The following TAOK3 variants were observed in gnomAD, a reference collection of about 807,000 sequenced individuals.
TAOK3 encodes TAO kinase 3, also known as serine/threonine-protein kinase TAO3.
In TAOK3, 40 loss-of-function variants were observed where a neutral mutation model predicts 120.4. The observed-to-expected ratio is 0.33, with a 90% CI of 0.26 to 0.43. The LOEUF is 0.43. Among genes scored for constraint, TAOK3 ranks in the 20% least tolerant of loss-of-function variants. TAOK3 has a pLI of 1.00. For synonymous variants in TAOK3, 355 were observed against 387.5 expected (o/e 0.92, Z 0.99); for missense variants, 821 against 1,112.1 (o/e 0.74, Z 3.72).
At chr12:118,242,899 G>A (rs2139988744) in intron 5 of TAOK3, among the ~76,000 whole-genome samples, 1 of 150,966 alleles carries the variant, frequency 6.6e-6, no homozygotes, top group Admixed American at 6.6e-5. Context: ...ATATATATAT[G>A]AGTGTGTGTG....
intron 17 of TAOK3, among the ~76,000 whole-genome samples, chr12:118,163,563 G>T (rs575608543): frequency 6.7e-6 from 1 of 149,654 alleles, no homozygotes; most frequent in South Asian, 2.1e-4. Flanking sequence ...TTATAGGCAT[G>T]AGCCACCCCA....
intron 8 of TAOK3, among the ~76,000 whole-genome samples, chr12:118,234,225 T>TTTTTTTTTTTTTTTTTTTC: frequency 1.2e-5 from 1 of 83,230 alleles, no homozygotes; most frequent in Non-Finnish European, 2.4e-5. Flanking sequence ...TTTTTTTTTT[T>TTTTTTTTTTTTTTTTTTTC]TTTTTTTTTT....
chr12:118,277,614 C>A (rs1335686980), intron 1 of TAOK3, among the ~76,000 whole-genome samples: 1 of 152,002 alleles, frequency 6.6e-6, no homozygotes, highest in Non-Finnish European at 1.5e-5. Flanking sequence ...GCGCGCACCA[C>A]CATGCCTGGC....
chr12:118,351,230 G>A (rs1465871803), intron 1 of TAOK3, among the ~76,000 whole-genome samples: 2 of 152,094 alleles, frequency 1.3e-5, no homozygotes, highest in Admixed American at 6.6e-5. Context: ...TAGAGAAGTA[G>A]TTTGTATACT....
rs1057274468 is a variant in TAOK3 at position 118,160,793 on chromosome 12, G to T, written c.2140-435C>A. On this transcript the variant is annotated intron_variant, in intron 18 of 20. Transcript: ENST00000392533. This position sits in a 1 kb window ranked among gnomAD's most constrained non-coding sequence, Gnocchi z 4.2. Reference sequence around the variant, plus strand: ...CTGTTTTCAAGTGAGACAGGGGATAGCATTATATAAGCCAGCTCTCACTGC... The same window carrying T: ...CTGTTTTCAAGTGAGACAGGGGATATCATTATATAAGCCAGCTCTCACTGC... Among the ~76,000 whole-genome samples, 9 of 152,086 alleles carry T rather than the reference G, an allele frequency of 5.9e-5. No individual in the cohort carries two copies. The highest frequency in any genetic ancestry group is 1.9e-4 in the African/African-American group (8 of 41,406).
chr12:118,360,471 G>C (rs1343903350), intron 1 of TAOK3, among the ~76,000 whole-genome samples: 3 of 151,400 alleles, frequency 2.0e-5, no homozygotes, highest in African/African-American at 7.3e-5. Flanking sequence ...GGGAGGCTGA[G>C]GCAGGAGAAT....
At chr12:118,218,400 A>G (rs2039047659) in intron 9 of TAOK3, among the ~76,000 whole-genome samples, 1 of 152,088 alleles carries the variant, frequency 6.6e-6, no homozygotes, top group Non-Finnish European at 1.5e-5. Flanking sequence ...CCCTGCATAT[A>G]CCAAAATCCA....
intron 1 of TAOK3, among the ~76,000 whole-genome samples, chr12:118,341,069 C>CA (rs878928472): frequency 6.6e-6 from 1 of 151,546 alleles, no homozygotes; most frequent in African/African-American, 2.4e-5. Flanking sequence ...CAGCTGACTG[C>CA]AACCTCTGCT....
At chr12:118,268,044 C>T (rs2041536123) in intron 1 of TAOK3, among the ~76,000 whole-genome samples, 2 of 152,120 alleles carry the variant, frequency 1.3e-5, no homozygotes, top group Non-Finnish European at 2.9e-5. Flanking sequence ...CATAGTTCAC[C>T]TCTTTTATCT....
At chr12:118,279,869 G>A (rs1405469970) in intron 1 of TAOK3, among the ~76,000 whole-genome samples, 8 of 151,326 alleles carry the variant, frequency 5.3e-5, no homozygotes, top group South Asian at 2.1e-4. Context: ...GGGTTCAAGC[G>A]ATTTTCCTGC....
intron 1 of TAOK3, among the ~76,000 whole-genome samples, chr12:118,294,983 T>G (rs555033343): frequency 1.1e-4 from 16 of 152,134 alleles, no homozygotes; most frequent in Non-Finnish European, 2.2e-4. Context: ...ACGCACTGAG[T>G]TGTATGCTAG....
intron 14 of TAOK3, among the ~76,000 whole-genome samples, chr12:118,188,260 T>C (rs1197509008): frequency 2.6e-5 from 4 of 152,334 alleles, no homozygotes; most frequent in African/African-American, 7.2e-5. Context: ...CGATGGTAAG[T>C]AGTCATAGTT....
intron 1 of TAOK3, among the ~76,000 whole-genome samples, chr12:118,316,575 C>T (rs974681632): frequency 1.3e-5 from 2 of 151,896 alleles, no homozygotes; most frequent in Non-Finnish European, 2.9e-5. Context: ...TAGATTCTCT[C>T]TCTTTTTTTT....
chr12:118,339,242 G>A (rs2044500482), intron 1 of TAOK3, among the ~76,000 whole-genome samples: 1 of 149,160 alleles, frequency 6.7e-6, no homozygotes, highest in African/African-American at 2.5e-5. Context: ...ACAAGAGTTG[G>A]AAGTAAATGA....
At chr12:118,324,948 G>C (rs952423528) in intron 1 of TAOK3, among the ~76,000 whole-genome samples, 19 of 151,654 alleles carry the variant, frequency 1.3e-4, no homozygotes, top group African/African-American at 4.6e-4. Flanking sequence ...GGGTTTCACC[G>C]TGTTAGCCAG....
chr12:118,304,881 G>A (rs758535609), intron 1 of TAOK3, among the ~76,000 whole-genome samples: 14 of 152,130 alleles, frequency 9.2e-5, no homozygotes, highest in Non-Finnish European at 1.8e-4. Context: ...GAAACAACAC[G>A]ACACCTGGAG....
chr12:118,318,619 A>G (rs1034924921), intron 1 of TAOK3, among the ~76,000 whole-genome samples: 1 of 152,130 alleles, frequency 6.6e-6, no homozygotes, highest in Non-Finnish European at 1.5e-5. Context: ...GAACCCTTGT[A>G]CACTGTTAGT....
At chr12:118,263,783 A>G (rs2041329399) in intron 2 of TAOK3, among the ~76,000 whole-genome samples, 1 of 152,168 alleles carries the variant, frequency 6.6e-6, no homozygotes, top group South Asian at 2.1e-4. Flanking sequence ...AACCCATGAG[A>G]GGCCGGGCAC....
intron 5 of TAOK3, among the ~76,000 whole-genome samples, chr12:118,240,728 C>T (rs2040215381): frequency 6.6e-6 from 1 of 152,116 alleles, no homozygotes; most frequent in African/African-American, 2.4e-5. Flanking sequence ...CCAATCTCCA[C>T]ACACACATGC....
Sources: gnomAD v4.1 joint callset for allele counts (sites outside exome capture counted in the v4.1 genomes callset) on GRCh38, gnomAD v4.1.1 for gene constraint, Gnocchi (gnomAD v3.1) non-coding constraint, MANE v1.5 for transcripts, NCBI Gene and HGNC (gene_info 2026-07-23, HGNC 2026-07-21) for gene names.